The following PJA2 variants were observed in gnomAD, a reference collection of about 807,000 sequenced individuals.
The protein encoded by PJA2 is E3 ubiquitin-protein ligase Praja-2.
Under a neutral mutation model 69.3 loss-of-function variants are expected in PJA2, and 25 were observed. That is an observed-to-expected ratio of 0.36 (90% confidence interval 0.26 to 0.50). PJA2 has a LOEUF of 0.50. PJA2 is among the 20% of genes least tolerant of loss of function. The pLI, the probability that PJA2 is intolerant of heterozygous loss-of-function variation, is 0.96. For synonymous variants in PJA2, 308 were observed against 277.8 expected (o/e 1.11, Z -1.08); for missense variants, 809 against 830.2 (o/e 0.97, Z 0.31).
intron 1 of PJA2, among the ~76,000 whole-genome samples, chr5:109,398,739 C>A (rs983747207): frequency 6.6e-6 from 1 of 151,518 alleles, no homozygotes; most frequent in Non-Finnish European, 1.5e-5. Context: ...AACAAACCTG[C>A]ACATTGTGCA....
At chr5:109,362,416 A>ACG (rs35169646) in intron 6 of PJA2, among the ~76,000 whole-genome samples, 2 of 8,628 alleles carry the variant, frequency 2.3e-4, no homozygotes, top group African/African-American at 6.9e-3. Context: ...TATTTTACAT[A>ACG]GAGAAGGAAA....
At chr5:109,379,988 G>T (rs1582615000) in intron 3 of PJA2, among the ~76,000 whole-genome samples, 1 of 150,950 alleles carries the variant, frequency 6.6e-6, no homozygotes, top group African/African-American at 2.4e-5. Flanking sequence ...GAAGACATTT[G>T]AGATTTGCTG....
chr5:109,354,512 A>AGAT lies in PJA2; in HGVS notation c.1764+1402_1764+1403insATC, dbSNP rs2126994384. Among the ~76,000 whole-genome samples, 2 of 36,568 alleles carry AGAT rather than the reference A, an allele frequency of 5.5e-5. 1 individual carries two copies. The highest frequency in any genetic ancestry group is 5.2e-4 in the Admixed American group (2 of 3,860). 24.0% of individuals were successfully genotyped at this position (36,568 alleles called of 152,430 possible). ...TATCTATAATATCATAGATATCTAT[A>AGAT]TCGATATTAGATATCTATAATATCT... On this transcript the variant is annotated intron_variant, in intron 7 of 9. Coordinates refer to ENST00000361189, the MANE Select transcript of PJA2 (RefSeq NM_014819.5).
chr5:109,368,450 T>C (rs1019258631), intron 5 of PJA2, 111 bp downstream of exon 5: 8 of 901,768 alleles, frequency 8.9e-6, no homozygotes, highest in Middle Eastern at 3.3e-4. Context: ...GGGGGCCTAC[T>C]GGTTCTACAT....
chr5:109,398,475 T>A (rs575947772), intron 1 of PJA2, among the ~76,000 whole-genome samples: 7 of 152,086 alleles, frequency 4.6e-5, no homozygotes, highest in Non-Finnish European at 1.0e-4. Context: ...ATGTCCTTTG[T>A]GGGCACATGG....
intron 7 of PJA2, among the ~76,000 whole-genome samples, chr5:109,347,033 G>A (rs1246167784): frequency 6.6e-6 from 1 of 152,106 alleles, no homozygotes; most frequent in Non-Finnish European, 1.5e-5. Flanking sequence ...TTATAATAGG[G>A]ATTACAACTT....
chr5:109,370,032 CAAAAAA>C (rs1168528650), intron 4 of PJA2, among the ~76,000 whole-genome samples: 1 of 49,096 alleles, frequency 2.0e-5, no homozygotes, highest in African/African-American at 7.3e-5. Context: ...AACTCCCTCT[CAAAAAA>C]AAAAAAAAAA....
At chr5:109,359,090 T>C (rs925108662) in intron 6 of PJA2, among the ~76,000 whole-genome samples, 2 of 152,202 alleles carry the variant, frequency 1.3e-5, no homozygotes, top group African/African-American at 4.8e-5. Context: ...CTCAGCTTAC[T>C]ACTCAATATG....
At chr5:109,339,026 G>A (rs528239349) in intron 9 of PJA2, among the ~76,000 whole-genome samples, 4 of 152,336 alleles carry the variant, frequency 2.6e-5, no homozygotes, top group Admixed American at 1.3e-4. Context: ...TAATCTTACA[G>A]ATGGTATAGG....
intron 5 of PJA2, among the ~76,000 whole-genome samples, chr5:109,365,027 T>C (rs1331212128): frequency 6.6e-6 from 1 of 152,218 alleles, no homozygotes; most frequent in African/African-American, 2.4e-5. Context: ...GCAATTCATA[T>C]AGTGTTGGTA....
intron 6 of PJA2, among the ~76,000 whole-genome samples, chr5:109,361,000 CG>C (rs1561349212): frequency 6.6e-6 from 1 of 151,988 alleles, no homozygotes; most frequent in African/African-American, 2.4e-5. Context: ...TGGTGGCAGG[CG>C]CCTGTAATCC....
intron 1 of PJA2, among the ~76,000 whole-genome samples, chr5:109,398,885 G>A (rs1230147584): frequency 6.6e-6 from 1 of 152,136 alleles, no homozygotes; most frequent in African/African-American, 2.4e-5. Flanking sequence ...TACCACTGGG[G>A]AAGGAGCAGA....
At chr5:109,370,787 G>A (rs918133989) in intron 4 of PJA2, among the ~76,000 whole-genome samples, 2 of 151,950 alleles carry the variant, frequency 1.3e-5, no homozygotes, top group African/African-American at 2.4e-5. Flanking sequence ...AACAATTAGG[G>A]TAAGATTTCT....
chr5:109,362,168 G>T (rs1048592819), intron 6 of PJA2, among the ~76,000 whole-genome samples: 26 of 152,200 alleles, frequency 1.7e-4, no homozygotes, highest in African/African-American at 6.3e-4. Flanking sequence ...AAAGGGATCA[G>T]TTAGGAGGAC....
chr5:109,399,834 C>T (rs543179393), intron 1 of PJA2, among the ~76,000 whole-genome samples: 2 of 152,230 alleles, frequency 1.3e-5, no homozygotes, highest in South Asian at 4.1e-4. Context: ...TATGATTACC[C>T]TTTTAAAGGC....
chr5:109,342,238 A>T (rs865828984), intron 9 of PJA2, among the ~76,000 whole-genome samples: 1 of 7,972 alleles, frequency 1.3e-4, no homozygotes, highest in East Asian at 2.3e-3. Context: ...CGCCCTGTCC[A>T]GGAGGTGAGG....
At chr5:109,398,829 AAC>A (rs1396818663) in intron 1 of PJA2, among the ~76,000 whole-genome samples, 5 of 152,310 alleles carry the variant, frequency 3.3e-5, no homozygotes, top group African/African-American at 1.2e-4. Context: ...AGAGTCAGGA[AAC>A]AGTTTATAGT....
At chr5:109,386,178 T>C (rs1239951128) in intron 1 of PJA2, among the ~76,000 whole-genome samples, 1 of 151,784 alleles carries the variant, frequency 6.6e-6, no homozygotes, top group Non-Finnish European at 1.5e-5. Context: ...ATTTTTGAAT[T>C]AGGGATGCTT....
At chr5:109,369,459 ATT>A (rs1762638988) in intron 4 of PJA2, among the ~76,000 whole-genome samples, 1 of 152,232 alleles carries the variant, frequency 6.6e-6, no homozygotes, top group Admixed American at 6.5e-5. Flanking sequence ...TTCTAAATAA[ATT>A]TTTAAATACA....
Sources: allele counts gnomAD v4.1 joint callset (sites outside exome capture counted in the v4.1 genomes callset), GRCh38; gene constraint gnomAD v4.1.1; transcripts MANE v1.5; gene names NCBI Gene and HGNC (gene_info 2026-07-23, HGNC 2026-07-21).